Variants in ILKAP observed in about 807,000 individuals in gnomAD.
The protein encoded by ILKAP is integrin-linked kinase-associated serine/threonine phosphatase 2C.
In ILKAP, 11 loss-of-function variants were observed where a neutral mutation model predicts 49.1. That is an observed-to-expected ratio of 0.22 (90% CI 0.14 to 0.37). The LOEUF (loss-of-function observed/expected upper bound fraction) is 0.37. ILKAP is among the 10% of genes least tolerant of loss of function. ILKAP has a pLI of 1.00. For synonymous variants in ILKAP, 186 were observed against 192.8 expected, an observed-to-expected ratio of 0.96 and a Z score of 0.29; for missense variants, 363 against 510.8, an observed-to-expected ratio of 0.71 and a Z score of 2.79.
At chr2:238,177,333 C>T (rs1362173250) in intron 9 of ILKAP, among the ~76,000 whole-genome samples, 1 of 152,134 alleles carries the variant, frequency 6.6e-6, no homozygotes, top group Non-Finnish European at 1.5e-5. Flanking sequence ...ATATACATGA[C>T]ATTTACCATC....
intron 11 of ILKAP, 62 bp from the exon 12 acceptor site, chr2:238,170,738 A>T (rs1232929873): frequency 6.2e-7 from 1 of 1,601,282 alleles, no homozygotes; most frequent in Admixed American, 1.7e-5. Context: ...CTTTCCTGAG[A>T]CATGACTGCC....
chr2:238,188,433 A>C, intron 4 of ILKAP, 176 bp from the exon 5 acceptor site: 1 of 696,786 alleles, frequency 1.4e-6, no homozygotes, highest in Middle Eastern at 3.1e-4. Context: ...CTATAACTCA[A>C]ATCGGAGCAC....
intron 9 of ILKAP, among the ~76,000 whole-genome samples, chr2:238,181,048 G>A (rs1439321944): frequency 6.6e-6 from 1 of 152,172 alleles, no homozygotes; most frequent in East Asian, 1.9e-4. Flanking sequence ...AAACTGCAGC[G>A]ACCGTGAATG....
At chr2:238,194,035 T>A (rs1254854281) in intron 3 of ILKAP, among the ~76,000 whole-genome samples, 2 of 152,252 alleles carry the variant, frequency 1.3e-5, no homozygotes, top group Non-Finnish European at 2.9e-5. Flanking sequence ...TAGTGAACTC[T>A]TAATTCTTAA....
At chr2:238,197,579 A>G (rs1436136160) in intron 1 of ILKAP, among the ~76,000 whole-genome samples, 6 of 152,196 alleles carry the variant, frequency 3.9e-5, no homozygotes. Flanking sequence ...ATATATTTTC[A>G]GTTCTTGTAA....
chr2:238,199,028 C>T (rs1489320315), intron 1 of ILKAP, among the ~76,000 whole-genome samples: 1 of 152,134 alleles, frequency 6.6e-6, no homozygotes, highest in Non-Finnish European at 1.5e-5. Context: ...CCTTAATGCT[C>T]ATGCACATGG....
intron 3 of ILKAP, among the ~76,000 whole-genome samples, chr2:238,192,391 T>C (rs1233663134): frequency 6.6e-6 from 1 of 152,014 alleles, no homozygotes; most frequent in Admixed American, 6.6e-5. Context: ...TGTAAATGGT[T>C]CCTGCCCGCT....
At chr2:238,176,644 G>A (rs1693471564) in intron 9 of ILKAP, among the ~76,000 whole-genome samples, 1 of 139,482 alleles carries the variant, frequency 7.2e-6, no homozygotes, top group Admixed American at 7.6e-5. Flanking sequence ...TAGTTTTGTT[G>A]ATATTTTCTG....
chr2:238,200,832 C>A (rs903593062), intron 1 of ILKAP, among the ~76,000 whole-genome samples: 10 of 152,294 alleles, frequency 6.6e-5, no homozygotes, highest in Middle Eastern at 3.4e-3. Flanking sequence ...AAAATAATAA[C>A]CCTGGCTAAC....
Position 238,190,971 on chromosome 2 carries a change from T to C in ILKAP, c.179-999A>G, listed in dbSNP as rs189681639. ...CAGACATTTCTTCTTCTTTTTGTTT[T>C]TGACACAGGGTCTCATTCTGTCACA... On this transcript the variant is annotated intron_variant, in intron 3 of 11. Transcript: ENST00000254654. Among the ~76,000 whole-genome samples, 95 of 152,000 alleles carry C rather than the reference T, an allele frequency of 6.3e-4. 1 individual carries two copies. Among genetic ancestry groups the C allele is most frequent in the South Asian group, 1.9e-3 (9 of 4,810 alleles).
At chr2:238,190,888 A>T (rs1694093903) in intron 3 of ILKAP, among the ~76,000 whole-genome samples, 2 of 150,700 alleles carry the variant, frequency 1.3e-5, no homozygotes, top group South Asian at 4.2e-4. Context: ...AAAAAAAAAA[A>T]AAAAAAAAAA....
rs150186666 is a variant in ILKAP, at chr2:238,183,707, C to T, written c.660G>A (p.Thr220=). ...GAATGTTGTCTACAGCCAGAACACA[C>T]GTGGCAGTGGACCCATCTTTCCAGG... is the stretch of plus-strand genomic sequence containing the variant. ...KPAWKDGSTA[T]CVLAVDNILY... Residue 220 remains threonine, a synonymous_variant, in exon 8 of 12, where the codon ACG becomes ACA. Coordinates refer to ENST00000254654, the MANE Select transcript of ILKAP (RefSeq NM_030768.3). The T allele has an allele frequency of 9.3e-6, 15 of 1,613,408 alleles. No individual in the cohort carries two copies. The East Asian group carries it at 2.0e-4, about 22-fold the overall frequency.
chr2:238,185,105 C>T (rs1693849494), intron 6 of ILKAP, 76 bp downstream of exon 6: 1 of 886,822 alleles, frequency 1.1e-6, no homozygotes, highest in Non-Finnish European at 1.9e-6. Flanking sequence ...CAAAATAACA[C>T]ATCTGACTGC....
intron 1 of ILKAP, among the ~76,000 whole-genome samples, chr2:238,202,691 A>G (rs923172310): frequency 1.3e-5 from 2 of 152,160 alleles, no homozygotes; most frequent in Non-Finnish European, 2.9e-5. Context: ...TGCATATGAA[A>G]TATTCACGCG....
rs1031444529 is a variant in ILKAP, at chr2:238,203,673, C to A, written c.-120G>T. 3 of 411,250 alleles carry A rather than the reference C, an allele frequency of 7.3e-6. No individual in the cohort carries two copies. The highest frequency in any genetic ancestry group is 8.5e-4 in the Middle Eastern group (1 of 1,170). 25.5% of individuals were successfully genotyped at this position (411,250 alleles called of 1,614,324 possible). On this transcript the variant is annotated 5_prime_UTR_variant, in exon 1 of 12. Coordinates refer to ENST00000254654, the MANE Select transcript of ILKAP (RefSeq NM_030768.3). ...GGCGACGGGCAGGGGCGGCCGGCGCCGTCAGTCACCTGCAGGGAGAGTCCC... is the reference window on the plus strand; with the variant it reads ...GGCGACGGGCAGGGGCGGCCGGCGCAGTCAGTCACCTGCAGGGAGAGTCCC...
chr2:238,170,467 C>G lies in ILKAP; in HGVS notation c.*69G>C. On this transcript the variant is annotated 3_prime_UTR_variant, in exon 12 of 12. Coordinates refer to ENST00000254654, the MANE Select transcript of ILKAP (RefSeq NM_030768.3). ...GTCCCACAGGAGTACACAAAACACA[C>G]AATGTGCACACACACAAAATGAACC... is the stretch of plus-strand genomic sequence containing the variant. 2 of 1,496,074 alleles carry G rather than the reference C, an allele frequency of 1.3e-6. No individual in the cohort carries two copies. Among genetic ancestry groups the G allele is most frequent in the Non-Finnish European group, 1.8e-6 (2 of 1,110,056 alleles). The allele number at this position is 1,496,074 out of a possible 1,614,324, so 92.7% of individuals were successfully genotyped here.
At chr2:238,195,363 C>T (rs1463789924) in intron 1 of ILKAP, among the ~76,000 whole-genome samples, 1 of 152,098 alleles carries the variant, frequency 6.6e-6, no homozygotes, top group African/African-American at 2.4e-5. Context: ...GGAAGAAAAT[C>T]TGTTGGAACC....
chr2:238,186,472 A>C (rs1440082375), intron 5 of ILKAP: 6 of 152,324 alleles, frequency 3.9e-5, no homozygotes, highest in African/African-American at 1.4e-4. Context: ...CATCTCTACA[A>C]AATTTGTAAT....
intron 5 of ILKAP, 169 bp from the exon 6 acceptor site, chr2:238,185,456 G>T: frequency 1.9e-6 from 1 of 524,718 alleles, no homozygotes; most frequent in Non-Finnish European, 3.4e-6. Flanking sequence ...GGCTTTAACT[G>T]AGACAAATAT....
Sources: gnomAD v4.1 joint callset for allele counts (sites outside exome capture counted in the v4.1 genomes callset) on GRCh38, gnomAD v4.1.1 for gene constraint, MANE v1.5 for transcripts, NCBI Gene and HGNC (gene_info 2026-07-23, HGNC 2026-07-21) for gene names.